The following POLR2B variants were observed in gnomAD, a reference collection of about 807,000 sequenced individuals.
The protein encoded by POLR2B is RNA polymerase II subunit B.
POLR2B carries 57 observed loss-of-function variants against 144.6 expected under a neutral mutation model. The ratio of observed to expected loss-of-function variants is 0.39; its 90% CI spans 0.32 to 0.49. The LOEUF is 0.49. POLR2B is among the 20% of genes least tolerant of loss of function. The pLI, the probability that POLR2B is intolerant of heterozygous loss-of-function variation, is 0.83. For missense variants in POLR2B, 595 were observed against 1,467.4 expected (o/e 0.41, Z 9.71); for synonymous variants, 442 against 469.8 (o/e 0.94, Z 0.77).
chr4:56,979,287 G>GT (rs1722077715), intron 1 of POLR2B, among the ~76,000 whole-genome samples: 1 of 152,098 alleles, frequency 6.6e-6, no homozygotes, highest in African/African-American at 2.4e-5. Flanking sequence ...GTGCAGAATC[G>GT]TAAGATAAAT....
intron 3 of POLR2B, 46 bp from the exon 4 acceptor site, chr4:56,994,358 T>C (rs767898644): frequency 1.0e-6 from 1 of 996,650 alleles, no homozygotes; most frequent in East Asian, 2.5e-5. Context: ...AAAACTTTTA[T>C]GGAAAAAATT....
chr4:57,012,614 G>A (rs1409430758), intron 13 of POLR2B, among the ~76,000 whole-genome samples: 4 of 152,060 alleles, frequency 2.6e-5, no homozygotes, highest in African/African-American at 9.7e-5. Context: ...AGAGAAGAGA[G>A]TTTGGTTGTT....
intron 7 of POLR2B, among the ~76,000 whole-genome samples, chr4:57,004,020 CTTTTTTTTT>C (rs138828073): frequency 1.5e-4 from 11 of 72,338 alleles, no homozygotes; most frequent in African/African-American, 4.6e-4. Context: ...TAAATTAAAT[CTTTTTTTTT>C]TTTTTTTTTT....
In POLR2B at chr4:57,010,415, TCTC is replaced by T. The variant is rs1412418471; in HGVS notation, c.1462_1464del (p.Pro488del). ...TCTTTCTCACCTGCGTCGTTTAAAT[TCTC>T]CTATTGGTAGAGACGGCAAGCTAGC... On this transcript the variant is annotated inframe_deletion, in exon 11 of 25. Coordinates refer to ENST00000314595, the MANE Select transcript of POLR2B (RefSeq NM_000938.3). 1.2e-6 allele frequency: 2 copies of T among 1,613,996 alleles called. No individual in the cohort carries two copies. Among genetic ancestry groups the T allele is most frequent in the Admixed American group, 1.7e-5 (1 of 60,014 alleles).
intron 7 of POLR2B, among the ~76,000 whole-genome samples, chr4:57,002,399 C>T (rs1380697316): frequency 1.3e-5 from 2 of 152,032 alleles, no homozygotes; most frequent in Non-Finnish European, 2.9e-5. Flanking sequence ...TTGAGTATTA[C>T]TGTTGGTTTT....
At chr4:57,004,378 A>G (rs9918067) in intron 7 of POLR2B, among the ~76,000 whole-genome samples, 77,947 of 146,618 alleles carry the variant, frequency 0.53, 20,723 homozygotes, top group East Asian at 0.7. Context: ...TTTTACATCC[A>G]GGGTACACGC....
chr4:57,023,381 C>T lies in POLR2B; in HGVS notation c.2567C>T (p.Pro856Leu). 6.2e-7 allele frequency: 1 copy of T among 1,613,872 alleles called. No individual in the cohort carries two copies. The highest frequency in any genetic ancestry group is 8.5e-7 in the Non-Finnish European group (1 of 1,179,856). The stretch of plus-strand genomic sequence containing the variant: ...CTGGATGATGATGGTTTGATAGCTC[C>T]AGGGGTTCGTGTATCAGGAGATGAT... Reference protein sequence around the residue: ...DKLDDDGLIAPGVRVSGDDVI... With the variant: ...DKLDDDGLIALGVRVSGDDVI... The change falls in exon 19 of 25, where the codon CCA becomes CTA. Residue 856 changes from proline (P) to leucine (L), a missense_variant. Pro to Leu is a moderately conservative substitution (Grantham distance 98). Transcript: ENST00000314595. The surrounding 1 kb of genome is among the most constrained non-coding windows in gnomAD (Gnocchi z 4.3).
chr4:57,024,300 G>C (rs983406058), intron 21 of POLR2B, among the ~76,000 whole-genome samples, 188 bp downstream of exon 21: 4 of 144,422 alleles, frequency 2.8e-5, no homozygotes, highest in African/African-American at 1.0e-4. Context: ...GGACAAGTCA[G>C]AATTTTTGTG....
At chr4:56,986,099 A>G in intron 1 of POLR2B, 1 of 442,862 alleles carries the variant, frequency 2.3e-6, no homozygotes, top group Non-Finnish European at 4.1e-6. Flanking sequence ...TTGCTGATCA[A>G]TAAAATGGAA....
intron 2 of POLR2B, among the ~76,000 whole-genome samples, chr4:56,987,418 C>G (rs1313415092): frequency 7.7e-6 from 1 of 129,816 alleles, no homozygotes; most frequent in Non-Finnish European, 1.7e-5. Flanking sequence ...TCTCTCTTCT[C>G]TCATCCCCTG....
intron 14 of POLR2B, 109 bp from the exon 15 acceptor site, chr4:57,016,934 T>C (rs1386205016): frequency 3.1e-5 from 9 of 285,996 alleles, no homozygotes; most frequent in Non-Finnish European, 3.8e-5. Flanking sequence ...GTATATTTAA[T>C]ATATAATATT....
Position 57,030,300 on chromosome 4 carries a change from T to C in POLR2B, c.3336T>C (p.Asp1112=). The change falls in exon 24 of 25, where the codon GAT becomes GAC. Residue 1112 remains aspartate, a synonymous_variant. Transcript: ENST00000314595. The part of the protein sequence containing the change: ...FLRERLFEAS[D]PYQVHVCNLC... The stretch of plus-strand genomic sequence containing the variant: ...GGGAAAGATTGTTTGAGGCATCAGA[T>C]CCATATCAGGTTCATGTTTGCAATC... The C allele has an allele frequency of 6.2e-7, 1 of 1,614,062 alleles. No individual in the cohort carries two copies. The highest frequency in any genetic ancestry group is 2.2e-5 in the East Asian group (1 of 44,878).
At chr4:56,982,592 TA>T (rs1002700328) in intron 1 of POLR2B, among the ~76,000 whole-genome samples, 6 of 151,304 alleles carry the variant, frequency 4.0e-5, no homozygotes, top group Non-Finnish European at 7.4e-5. Flanking sequence ...AAGAGAATAT[TA>T]AAAAAAAATT....
In POLR2B at chr4:57,024,867, G is replaced by T; in HGVS notation, c.2965-19G>T. 1 of 1,292,900 alleles carries T rather than the reference G, an allele frequency of 7.7e-7. No homozygotes were observed. 80.1% of individuals were successfully genotyped at this position (1,292,900 alleles called of 1,614,324 possible). On this transcript the variant is annotated intron_variant, in intron 21 of 24. Coordinates refer to ENST00000314595, the MANE Select transcript of POLR2B (RefSeq NM_000938.3). ...ACAGACTGAAGCAACATTTTAAAGA[G>T]TACTTTTTTTTTTAAAAGGTATCGG...
chr4:57,019,401 T>C (rs1041117614), intron 16 of POLR2B, among the ~76,000 whole-genome samples: 21 of 152,046 alleles, frequency 1.4e-4, no homozygotes, highest in Admixed American at 1.3e-3. Flanking sequence ...AGATAGGGTC[T>C]ACTTTGTTGC....
chr4:57,007,422 CA>C lies in POLR2B; in HGVS notation c.1404+431del, dbSNP rs892066535. Among the ~76,000 whole-genome samples the C allele has an allele frequency of 3.5e-4, 50 of 141,980 alleles. No individual in the cohort carries two copies. The East Asian group carries it at 6.4e-3, about 18-fold the overall frequency. The allele number at this position is 141,980 out of a possible 152,430, so 93.1% of individuals were successfully genotyped here. A position where few individuals can be genotyped will look rare whatever the true frequency, so the allele number is the denominator to read the frequency against. On this transcript the variant is annotated intron_variant, in intron 10 of 24. Transcript: ENST00000314595. ...AAGAGTGAGACTCCGTCTCAAAAAACAAAAAAAAAAACTTACTGGGGACTTT... is the reference window on the plus strand; with the variant it reads ...AAGAGTGAGACTCCGTCTCAAAAAACAAAAAAAAAACTTACTGGGGACTTT...
intron 17 of POLR2B, 27 bp downstream of exon 17, chr4:57,021,022 C>T (rs1328432975): frequency 8.2e-7 from 1 of 1,225,976 alleles, no homozygotes; most frequent in Non-Finnish European, 1.2e-6. Flanking sequence ...TTTGTCAAAA[C>T]ACAGATACAG....
chr4:57,014,221 G>T (rs553259736), intron 13 of POLR2B, among the ~76,000 whole-genome samples: 1 of 152,204 alleles, frequency 6.6e-6, no homozygotes, highest in South Asian at 2.1e-4. Flanking sequence ...TTGAGACAGG[G>T]TCTTACTCTA....
intron 23 of POLR2B, among the ~76,000 whole-genome samples, chr4:57,029,353 T>G (rs907278909): frequency 1.3e-5 from 2 of 152,228 alleles, no homozygotes; most frequent in African/African-American, 4.8e-5. Flanking sequence ...GATGTAGTTC[T>G]TATAGTAAGG....
Sources: gnomAD v4.1 joint callset for allele counts (sites outside exome capture counted in the v4.1 genomes callset) on GRCh38, gnomAD v4.1.1 for gene constraint, Gnocchi (gnomAD v3.1) non-coding constraint, MANE v1.5 for transcripts, NCBI Gene and HGNC (gene_info 2026-07-23, HGNC 2026-07-21) for gene names.